Variants in TAF3 observed in about 807,000 individuals in gnomAD.
TAF3 encodes TATA-box binding protein associated factor 3.
TAF3 carries 7 observed loss-of-function variants against 80.6 expected under a neutral mutation model. That is an observed-to-expected ratio of 0.09 (90% CI 0.05 to 0.16). The LOEUF (loss-of-function observed/expected upper bound fraction) is 0.16. Among genes scored for constraint, TAF3 ranks in the 10% least tolerant of loss-of-function variants. The probability of loss-of-function intolerance (pLI) is 1.00; values close to 1 mark genes in which losing one functional copy is unlikely to be tolerated. For missense variants in TAF3, 921 were observed against 1,140.2 expected, an observed-to-expected ratio of 0.81 and a Z score of 2.77; for synonymous variants, 444 against 446.1, an observed-to-expected ratio of 1.00 and a Z score of 0.06.
At chr10:7,896,939 T>G (rs1421918937) in intron 2 of TAF3, among the ~76,000 whole-genome samples, 2 of 152,150 alleles carry the variant, frequency 1.3e-5, no homozygotes, top group African/African-American at 4.8e-5. Context: ...GTTCCTTGCA[T>G]CCGTAGGACT....
intron 2 of TAF3, among the ~76,000 whole-genome samples, chr10:7,851,115 G>A (rs1157269116): frequency 6.6e-6 from 1 of 152,180 alleles, no homozygotes. Context: ...TAAGTACTAT[G>A]AGAAAAACAT....
At chr10:7,842,612 G>A (rs1188775436) in intron 2 of TAF3, among the ~76,000 whole-genome samples, 2 of 151,914 alleles carry the variant, frequency 1.3e-5, no homozygotes. Context: ...ATACCTAATG[G>A]TCACTATTGT....
intron 4 of TAF3, among the ~76,000 whole-genome samples, chr10:7,983,708 G>A (rs757466688): frequency 4.6e-5 from 7 of 152,172 alleles, no homozygotes; most frequent in East Asian, 1.9e-4. Flanking sequence ...ACGTAGTGGC[G>A]TGCACCTATA....
chr10:7,939,031 C>A (rs550102606), intron 2 of TAF3, among the ~76,000 whole-genome samples: 4 of 152,292 alleles, frequency 2.6e-5, no homozygotes, highest in African/African-American at 9.6e-5. Flanking sequence ...CTAAAACATA[C>A]CAGCCTGCAG....
intron 2 of TAF3, among the ~76,000 whole-genome samples, chr10:7,875,038 T>G (rs1439972081): frequency 6.6e-6 from 1 of 152,134 alleles, no homozygotes; most frequent in African/African-American, 2.4e-5. Context: ...AGATAGCAGT[T>G]TGTAGGTTTT....
chr10:7,824,904 A>G (rs538046726), intron 2 of TAF3, among the ~76,000 whole-genome samples: 1 of 152,338 alleles, frequency 6.6e-6, no homozygotes, highest in African/African-American at 2.4e-5. Context: ...AAATTGGGGT[A>G]GCTCTTTTCC....
intron 3 of TAF3, among the ~76,000 whole-genome samples, chr10:7,973,127 A>T (rs1831636723): frequency 1.3e-5 from 2 of 152,278 alleles, no homozygotes; most frequent in South Asian, 4.1e-4. Flanking sequence ...AACACCATCC[A>T]CACCTACCCT....
chr10:7,932,920 T>C (rs988197614), intron 2 of TAF3, among the ~76,000 whole-genome samples: 1 of 152,030 alleles, frequency 6.6e-6, no homozygotes, highest in African/African-American at 2.4e-5. Context: ...GCTCGAGTGA[T>C]CCTCCCGCCT....
chr10:7,818,790 G>A lies in TAF3; in HGVS notation c.81G>A (p.Gln27=). 1.3e-6 allele frequency: 2 copies of A among 1,572,704 alleles called. No individual in the cohort carries two copies. The highest frequency in any genetic ancestry group is 2.3e-5 in the South Asian group (2 of 88,460). The change falls in exon 1 of 7, where the codon CAG becomes CAA. Residue 27 remains glutamine (Q), a synonymous_variant. Coordinates refer to ENST00000344293, the MANE Select transcript of TAF3 (RefSeq NM_031923.4). ...ICQALGWDSV[Q]LSACHLLTDV... ...AGGCGCTGGGCTGGGACTCGGTGCAGCTCAGCGCCTGCCACCTCCTCACGG... is the reference window on the plus strand; with the variant it reads ...AGGCGCTGGGCTGGGACTCGGTGCAACTCAGCGCCTGCCACCTCCTCACGG...
intron 2 of TAF3, among the ~76,000 whole-genome samples, chr10:7,886,748 C>G (rs185179423): frequency 2.6e-5 from 4 of 152,314 alleles, no homozygotes; most frequent in Admixed American, 2.6e-4. Context: ...TATAACATGA[C>G]CTCTGCCTTC....
At chr10:7,826,953 C>T (rs1588513746) in intron 2 of TAF3, among the ~76,000 whole-genome samples, 1 of 152,090 alleles carries the variant, frequency 6.6e-6, no homozygotes, top group East Asian at 1.9e-4. Context: ...TGCTGTTCAC[C>T]ATGCTCTTTA....
intron 4 of TAF3, among the ~76,000 whole-genome samples, chr10:8,005,717 C>T (rs1831984779): frequency 6.6e-6 from 1 of 152,270 alleles, no homozygotes; most frequent in Admixed American, 6.5e-5. Flanking sequence ...GGGAAACTGC[C>T]TCTAGAAGCA....
At chr10:7,851,573 C>T (rs763427870) in intron 2 of TAF3, among the ~76,000 whole-genome samples, 3 of 152,006 alleles carry the variant, frequency 2.0e-5, no homozygotes, top group South Asian at 2.1e-4. Context: ...AATTAACTTC[C>T]GTCATCACCC....
chr10:7,840,862 T>TTTTG (rs1333705308), intron 2 of TAF3, among the ~76,000 whole-genome samples: 1 of 152,162 alleles, frequency 6.6e-6, no homozygotes, highest in Non-Finnish European at 1.5e-5. Context: ...TTCTTTTTTT[T>TTTTG]TTTTGAGATG....
intron 4 of TAF3, among the ~76,000 whole-genome samples, chr10:7,998,257 A>ATATATG (rs1170180908): frequency 5.3e-4 from 53 of 99,466 alleles, no homozygotes; most frequent in East Asian, 4.5e-3. Flanking sequence ...ATATATATAT[A>ATATATG]TATATATGTA....
intron 2 of TAF3, among the ~76,000 whole-genome samples, chr10:7,900,812 G>T (rs1031502437): frequency 2.0e-5 from 3 of 152,034 alleles, no homozygotes; most frequent in Non-Finnish European, 4.4e-5. Context: ...GTATTAAGAA[G>T]GTAAAGATTT....
intron 2 of TAF3, among the ~76,000 whole-genome samples, chr10:7,957,608 C>A (rs940903573): frequency 2.0e-5 from 3 of 152,048 alleles, no homozygotes; most frequent in African/African-American, 4.8e-5. Flanking sequence ...TGAAAACTTA[C>A]AACTAACAAT....
intron 3 of TAF3, among the ~76,000 whole-genome samples, chr10:7,975,344 C>A (rs962603371): frequency 5.3e-5 from 8 of 152,122 alleles, no homozygotes; most frequent in South Asian, 2.1e-4. Context: ...AGATTGAAAT[C>A]ATTGCTTCAT....
chr10:7,904,032 G>A (rs958062847), intron 2 of TAF3, among the ~76,000 whole-genome samples: 2 of 152,184 alleles, frequency 1.3e-5, no homozygotes, highest in African/African-American at 4.8e-5. Context: ...TTGGAGCAGA[G>A]TCCAGTGTAC....
Sources: allele counts gnomAD v4.1 joint callset (sites outside exome capture counted in the v4.1 genomes callset), GRCh38; gene constraint gnomAD v4.1.1; transcripts MANE v1.5; gene names NCBI Gene and HGNC (gene_info 2026-07-23, HGNC 2026-07-21).